The following SLC8A1 variants were observed in gnomAD, a reference collection of about 807,000 sequenced individuals.
SLC8A1 encodes solute carrier family 8 member A1, also known as sodium/calcium exchanger 1.
Under a neutral mutation model 68.3 loss-of-function variants are expected in SLC8A1, and 18 were observed. That is an observed-to-expected ratio of 0.26 (90% confidence interval 0.18 to 0.39). SLC8A1 has a LOEUF of 0.39. Ranked by LOEUF, SLC8A1 falls within the 10% of genes least tolerant of loss-of-function variation. SLC8A1 has a pLI of 1.00. For synonymous variants in SLC8A1, 475 were observed against 415.5 expected (o/e 1.14, Z -1.74); for missense variants, 985 against 1,156.7 (o/e 0.85, Z 2.15).
chr2:40,352,562 A>G (rs1203691837), intron 2 of SLC8A1, among the ~76,000 whole-genome samples: 1 of 152,204 alleles, frequency 6.6e-6, no homozygotes, highest in East Asian at 1.9e-4. Flanking sequence ...TAGGAAAAAT[A>G]TAGCACATAT....
chr2:40,339,303 G>T (rs1199324352), intron 2 of SLC8A1, among the ~76,000 whole-genome samples: 1 of 152,146 alleles, frequency 6.6e-6, no homozygotes, highest in Non-Finnish European at 1.5e-5. Flanking sequence ...TTAGATAAAG[G>T]TAATGTGCAT....
At chr2:40,364,565 T>C (rs1433284721) in intron 2 of SLC8A1, among the ~76,000 whole-genome samples, 1 of 152,038 alleles carries the variant, frequency 6.6e-6, no homozygotes, top group Non-Finnish European at 1.5e-5. Context: ...TTCACATGTC[T>C]TCACAAAATA....
At chr2:40,470,090 C>T (rs1202037608) in intron 1 of SLC8A1, among the ~76,000 whole-genome samples, 8 of 150,746 alleles carry the variant, frequency 5.3e-5, no homozygotes, top group African/African-American at 1.7e-4. Context: ...ATTCTACTTA[C>T]GCACACTCTT....
chr2:40,228,463 C>T (rs979146126), intron 2 of SLC8A1, among the ~76,000 whole-genome samples: 5 of 152,198 alleles, frequency 3.3e-5, no homozygotes, highest in African/African-American at 1.2e-4. Flanking sequence ...CTGCAGCTGT[C>T]TACGAAACAA....
At chr2:40,427,259 C>G (rs1697120060) in intron 2 of SLC8A1, among the ~76,000 whole-genome samples, 1 of 151,884 alleles carries the variant, frequency 6.6e-6, no homozygotes, top group Non-Finnish European at 1.5e-5. Context: ...TCTGCCCATC[C>G]CCTCCCCCTT....
At chr2:40,408,710 G>A (rs993865786) in intron 2 of SLC8A1, among the ~76,000 whole-genome samples, 3 of 152,102 alleles carry the variant, frequency 2.0e-5, no homozygotes, top group African/African-American at 4.8e-5. Context: ...AAAACAGCAC[G>A]AAAGACCTGT....
rs549710731 is a variant in SLC8A1 at position 40,223,918 on chromosome 2, T to A, written c.1809-46063A>T. Among the ~76,000 whole-genome samples, 5 of 151,684 alleles carry A rather than the reference T, an allele frequency of 3.3e-5. No homozygotes were observed. In the South Asian group the frequency reaches 1.0e-3, roughly 32 times the overall value. On this transcript the variant is annotated intron_variant, in intron 2 of 7. Coordinates refer to ENST00000406785, the Ensembl canonical transcript of SLC8A1. ...GAAGTTGGAGAGGATGAGCAAGAGG[T>A]TTGCCCCATTTCTGTAACCATCAGA...
intron 4 of SLC8A1, among the ~76,000 whole-genome samples, chr2:40,166,392 T>C (rs549513840): frequency 1.5e-4 from 23 of 152,314 alleles, no homozygotes; most frequent in African/African-American, 5.1e-4. Context: ...TAGTATACAT[T>C]TTATAGTGTC....
chr2:40,232,854 T>G (rs2059866047), intron 2 of SLC8A1, among the ~76,000 whole-genome samples: 1 of 144,950 alleles, frequency 6.9e-6, no homozygotes, highest in South Asian at 2.3e-4. Flanking sequence ...CGGTGTTTGG[T>G]TTTTTGTTCT....
chr2:40,213,564 G>A (rs569067370), intron 2 of SLC8A1: 1 of 152,322 alleles, frequency 6.6e-6, no homozygotes, highest in Admixed American at 6.5e-5. Flanking sequence ...AGATACTGAG[G>A]AAACTTGGGG....
At chr2:40,437,730 T>A (rs545673654) in intron 1 of SLC8A1, among the ~76,000 whole-genome samples, 1 of 152,248 alleles carries the variant, frequency 6.6e-6, no homozygotes, top group South Asian at 2.1e-4. Context: ...TCATTTTTCT[T>A]AACATCTTAA....
intron 2 of SLC8A1, chr2:40,254,499 G>GA (rs1451392775): frequency 8.8e-6 from 1 of 113,550 alleles, no homozygotes; most frequent in African/African-American, 3.4e-5. Context: ...TTGAACTCTT[G>GA]AAAATATCAA....
At chr2:40,452,264 C>T (rs989429473), upstream of SLC8A1, among the ~76,000 whole-genome samples, 2 of 151,084 alleles carry the variant, frequency 1.3e-5, no homozygotes, top group Admixed American at 6.6e-5. Context: ...CCGGGCGCCC[C>T]GGGGCCCCCT....
At chr2:40,315,371 T>A (rs1407049339) in intron 2 of SLC8A1, among the ~76,000 whole-genome samples, 1 of 151,848 alleles carries the variant, frequency 6.6e-6, no homozygotes, top group Non-Finnish European at 1.5e-5. Flanking sequence ...GGAAGGTTAG[T>A]CACAGTTGTG....
intron 5 of SLC8A1, among the ~76,000 whole-genome samples, chr2:40,161,451 C>G (rs2045669215): frequency 6.6e-6 from 1 of 152,124 alleles, no homozygotes; most frequent in Non-Finnish European, 1.5e-5. Flanking sequence ...CTATTGCAAA[C>G]AAGAATACAC....
intron 6 of SLC8A1, among the ~76,000 whole-genome samples, chr2:40,152,776 G>A (rs1206398747): frequency 6.6e-6 from 1 of 151,862 alleles, no homozygotes; most frequent in Non-Finnish European, 1.5e-5. Context: ...GCTTGGGTGG[G>A]ACACTCAGCA....
intron 2 of SLC8A1, among the ~76,000 whole-genome samples, chr2:40,348,449 T>A (rs888138549): frequency 1.3e-5 from 2 of 152,182 alleles, no homozygotes; most frequent in African/African-American, 4.8e-5. Flanking sequence ...GCCAAACCCA[T>A]ACATCTAATA....
chr2:40,490,753 G>T (rs1003912636), intron 1 of SLC8A1, among the ~76,000 whole-genome samples: 3 of 151,978 alleles, frequency 2.0e-5, no homozygotes, highest in African/African-American at 7.2e-5. Flanking sequence ...TGAACACAAG[G>T]TATTAATAAC....
At position 40,205,816 on chromosome 2, in the gene SLC8A1, GA is replaced by G. The variant is rs199504864; in HGVS notation, c.1809-27962del. ...AACTTAGAAGTTGAAAAAATATCTTGAAAAAAAAAAAAAAAAGAAAAAGTCT... is the reference window on the plus strand; with the variant it reads ...AACTTAGAAGTTGAAAAAATATCTTGAAAAAAAAAAAAAAAGAAAAAGTCT... On this transcript the variant is annotated intron_variant, in intron 2 of 7. Coordinates refer to ENST00000406785, the Ensembl canonical transcript of SLC8A1. Among the ~76,000 whole-genome samples the G allele has an allele frequency of 1.1e-3, 145 of 128,822 alleles. 1 individual carries two copies. Among genetic ancestry groups the G allele is most frequent in the African/African-American group, 1.7e-3 (55 of 31,640 alleles). 84.5% of individuals were successfully genotyped at this position (128,822 alleles called of 152,430 possible).
Sources: gnomAD v4.1 joint callset for allele counts (sites outside exome capture counted in the v4.1 genomes callset) on GRCh38, gnomAD v4.1.1 for gene constraint, MANE v1.5 for transcripts, NCBI Gene and HGNC (gene_info 2026-07-23, HGNC 2026-07-21) for gene names.